ENTREP2: variants seen among roughly 807,000 people sequenced by gnomAD.
The protein encoded by ENTREP2 is protein ENTREP2.
At chr15:29,425,196 T>C in the ENTREP2 span, among the ~76,000 whole-genome samples, 1 of 93,556 alleles carries the variant, frequency 1.1e-5, no homozygotes, top group Admixed American at 1.1e-4. Flanking sequence ...GTCCAGGTTT[T>C]TTGTTTTTTT....
the ENTREP2 span, among the ~76,000 whole-genome samples, chr15:29,504,576 G>C: frequency 6.6e-6 from 1 of 152,204 alleles, no homozygotes. Flanking sequence ...AAGAAGAACT[G>C]AAGCGTGTGT....
At chr15:29,234,458 C>T in the ENTREP2 span, 3 of 1,494,980 alleles carry the variant, frequency 2.0e-6, no homozygotes, top group East Asian at 6.8e-5. Flanking sequence ...CCCTGTAGCT[C>T]TTGTGCCCAG....
chr15:29,288,683 G>C, the ENTREP2 span, among the ~76,000 whole-genome samples: 1 of 152,154 alleles, frequency 6.6e-6, no homozygotes, highest in African/African-American at 2.4e-5. Context: ...GCAATGGGCT[G>C]TACCCTATAG....
the ENTREP2 span, among the ~76,000 whole-genome samples, chr15:29,311,430 G>A: frequency 6.6e-6 from 1 of 152,120 alleles, no homozygotes; most frequent in East Asian, 1.9e-4. Context: ...TGGCTCACAC[G>A]GGTAATCCCA....
chr15:29,373,224 A>T, the ENTREP2 span, among the ~76,000 whole-genome samples: 1 of 152,160 alleles, frequency 6.6e-6, no homozygotes, highest in Non-Finnish European at 1.5e-5. Flanking sequence ...CCCTCCAAGG[A>T]GGGACAGTGA....
the ENTREP2 span, among the ~76,000 whole-genome samples, chr15:29,150,744 A>T: frequency 1.3e-5 from 2 of 152,198 alleles, no homozygotes; most frequent in Admixed American, 1.3e-4. Context: ...CTGGCCCTGT[A>T]TCTTGATTAA....
the ENTREP2 span, among the ~76,000 whole-genome samples, chr15:29,543,306 C>T: frequency 2.0e-5 from 3 of 152,168 alleles, no homozygotes; most frequent in Non-Finnish European, 4.4e-5. Context: ...CAAAACTCAC[C>T]ACTGCAGACA....
the ENTREP2 span, among the ~76,000 whole-genome samples, chr15:29,176,229 C>T: frequency 6.6e-6 from 1 of 152,190 alleles, no homozygotes; most frequent in Non-Finnish European, 1.5e-5. Context: ...GCTTCATAGG[C>T]TAGACAATTC....
the ENTREP2 span, chr15:29,123,620 C>G: frequency 6.4e-7 from 1 of 1,550,736 alleles, no homozygotes; most frequent in African/African-American, 1.4e-5. Context: ...GAAAGCTGGG[C>G]CCGACAGGCA....
At chr15:29,509,871 A>G in the ENTREP2 span, among the ~76,000 whole-genome samples, 1 of 152,228 alleles carries the variant, frequency 6.6e-6, no homozygotes, top group African/African-American at 2.4e-5. Context: ...AAACACCAAA[A>G]GCAATGGCAA....
At chr15:29,234,090 A>G in the ENTREP2 span, 1 of 1,497,866 alleles carries the variant, frequency 6.7e-7, no homozygotes, top group East Asian at 2.3e-5. Flanking sequence ...AACCGTCTTG[A>G]TAACATATCA....
At chr15:29,600,022 G>A in the ENTREP2 span, among the ~76,000 whole-genome samples, 15 of 152,110 alleles carry the variant, frequency 9.9e-5, no homozygotes, top group Non-Finnish European at 1.9e-4. Flanking sequence ...GATAACTTAC[G>A]GAAGGCTTCT....
chr15:29,205,531 T>C, the ENTREP2 span, among the ~76,000 whole-genome samples: 1 of 152,248 alleles, frequency 6.6e-6, no homozygotes, highest in African/African-American at 2.4e-5. Context: ...TGTCAGGTGG[T>C]ATCTCACTCT....
At chr15:29,276,895 T>G in the ENTREP2 span, among the ~76,000 whole-genome samples, 1 of 152,146 alleles carries the variant, frequency 6.6e-6, no homozygotes, top group South Asian at 2.1e-4. Flanking sequence ...AATGAGGAGT[T>G]TTGAATATAA....
At chr15:29,483,189 T>C in the ENTREP2 span, among the ~76,000 whole-genome samples, 1 of 152,240 alleles carries the variant, frequency 6.6e-6, no homozygotes, top group Non-Finnish European at 1.5e-5. Context: ...AGGTTATTTG[T>C]TTTCTTATTA....
At chr15:29,309,819 GCCTATC>G in the ENTREP2 span, among the ~76,000 whole-genome samples, 3 of 150,520 alleles carry the variant, frequency 2.0e-5, no homozygotes, top group African/African-American at 7.4e-5. Flanking sequence ...CAGTGGTAAT[GCCTATC>G]CCATAGGACG....
the ENTREP2 span, among the ~76,000 whole-genome samples, chr15:29,199,267 T>A: frequency 2.0e-5 from 3 of 152,170 alleles, no homozygotes; most frequent in Non-Finnish European, 4.4e-5. Context: ...TTAGTCTTTT[T>A]AATTTTAGAT....
chr15:29,577,313 G>GGGGTGTGTGTGT, the ENTREP2 span, among the ~76,000 whole-genome samples: 2 of 139,908 alleles, frequency 1.4e-5, no homozygotes, highest in Non-Finnish European at 3.1e-5. Flanking sequence ...GACTCAAAGA[G>GGGGTGTGTGTGT]GTGTGTGTGT....
the ENTREP2 span, among the ~76,000 whole-genome samples, chr15:29,635,103 A>G: frequency 3.3e-5 from 5 of 152,044 alleles, no homozygotes; most frequent in South Asian, 8.3e-4. Flanking sequence ...TCGGCCTCCC[A>G]AAGTGCTGGT....
Sources: gnomAD v4.1 joint callset for allele counts (sites outside exome capture counted in the v4.1 genomes callset) on GRCh38, gnomAD v4.1.1 for gene constraint, MANE v1.5 for transcripts, NCBI Gene and HGNC (gene_info 2026-07-23, HGNC 2026-07-21) for gene names.